Variants in TMT1A observed in about 807,000 individuals in gnomAD.
TMT1A encodes thiol S-methyltransferase TMT1A.
the TMT1A span, chr12:50,929,872 G>T: frequency 6.5e-7 from 1 of 1,538,274 alleles, no homozygotes. Flanking sequence ...AAGCAGAAAT[G>T]AAAAAATCCT....
chr12:50,931,668 G>A, the TMT1A span: 1 of 141,782 alleles, frequency 7.1e-6, no homozygotes, highest in Non-Finnish European at 1.5e-5. Flanking sequence ...CCGAGATCAT[G>A]CCATTGTACT....
At chr12:50,931,648 T>C in the TMT1A span, 1 of 148,310 alleles carries the variant, frequency 6.7e-6, no homozygotes, top group Admixed American at 6.7e-5. Flanking sequence ...AAGGCGAAGG[T>C]TGCAGTGAAC....
the TMT1A span, among the ~76,000 whole-genome samples, chr12:50,926,131 A>G: frequency 6.6e-6 from 1 of 152,018 alleles, no homozygotes; most frequent in African/African-American, 2.4e-5. Flanking sequence ...GCCAGGGATG[A>G]TAGACAAAGG....
At chr12:50,931,125 G>T in the TMT1A span, 1 of 146,308 alleles carries the variant, frequency 6.8e-6, no homozygotes, top group South Asian at 2.1e-4. Flanking sequence ...AAGAGCAGAG[G>T]TTTACTAGGC....
At chr12:50,930,245 T>G in the TMT1A span, 3,263 of 1,036,924 alleles carry the variant, frequency 3.1e-3, 13 homozygotes, top group Non-Finnish European at 3.8e-3. Context: ...ACCTTTTTTT[T>G]GGGGGGCGGT....
At chr12:50,929,889 G>GTTTTTT in the TMT1A span, 3 of 1,240,834 alleles carry the variant, frequency 2.4e-6, no homozygotes, top group Non-Finnish European at 3.3e-6. Flanking sequence ...TCCTTGAAAT[G>GTTTTTT]TTTTTTTTTT....
At chr12:50,926,226 A>G in the TMT1A span, among the ~76,000 whole-genome samples, 1 of 152,280 alleles carries the variant, frequency 6.6e-6, no homozygotes, top group Non-Finnish European at 1.5e-5. Flanking sequence ...AAATGGGCAA[A>G]TAACAGGAAC....
the TMT1A span, among the ~76,000 whole-genome samples, chr12:50,926,365 G>A: frequency 6.6e-6 from 1 of 152,106 alleles, no homozygotes; most frequent in African/African-American, 2.4e-5. Flanking sequence ...GTGGGTTTAG[G>A]GGACTGGACA....
chr12:50,930,070 A>C, the TMT1A span: 36 of 1,614,000 alleles, frequency 2.2e-5, no homozygotes, highest in Non-Finnish European at 2.6e-5. Flanking sequence ...CAGCTTCTCT[A>C]AGCTGAAGCT....
the TMT1A span, among the ~76,000 whole-genome samples, chr12:50,927,051 C>T: frequency 6.6e-6 from 1 of 152,034 alleles, no homozygotes; most frequent in East Asian, 1.9e-4. Context: ...ACAGGGTTTC[C>T]CTCTGTCACC....
At chr12:50,930,322 C>T in the TMT1A span, 3 of 568,110 alleles carry the variant, frequency 5.3e-6, no homozygotes, top group Non-Finnish European at 9.1e-6. Context: ...TCTTGTTGCC[C>T]AGGCTGGAGT....
the TMT1A span, chr12:50,930,977 A>C: frequency 6.6e-6 from 1 of 152,232 alleles, no homozygotes; most frequent in South Asian, 2.1e-4. Flanking sequence ...AATTCACATC[A>C]AAAAAACAGC....
the TMT1A span, among the ~76,000 whole-genome samples, chr12:50,926,999 A>G: frequency 2.6e-5 from 4 of 152,200 alleles, no homozygotes; most frequent in East Asian, 7.7e-4. Context: ...CTTCTGGGGG[A>G]AAGGCATGTT....
the TMT1A span, among the ~76,000 whole-genome samples, chr12:50,928,457 G>C: frequency 1.3e-5 from 2 of 152,192 alleles, no homozygotes; most frequent in Non-Finnish European, 2.9e-5. Context: ...AGCTGATGGA[G>C]CTGGATTCCC....
the TMT1A span, among the ~76,000 whole-genome samples, chr12:50,926,063 G>GA: frequency 0.078 from 7,172 of 91,798 alleles, 488 homozygotes; most frequent in African/African-American, 0.22. Context: ...AAAAGAATAA[G>GA]AAAAAAAAAC....
chr12:50,927,491 G>A, the TMT1A span, among the ~76,000 whole-genome samples: 2 of 152,176 alleles, frequency 1.3e-5, no homozygotes, highest in African/African-American at 4.8e-5. Context: ...CTAAGACTGG[G>A]CACCAACTGG....
At chr12:50,931,495 G>A in the TMT1A span, 1 of 150,328 alleles carries the variant, frequency 6.7e-6, no homozygotes, top group Non-Finnish European at 1.5e-5. Context: ...GGATCACGAG[G>A]TAGGAGTTAA....
chr12:50,928,762 T>G, the TMT1A span, among the ~76,000 whole-genome samples: 1 of 152,122 alleles, frequency 6.6e-6, no homozygotes, highest in Non-Finnish European at 1.5e-5. Context: ...TACAGATGTT[T>G]CCAAATCTAA....
At chr12:50,927,924 A>G in the TMT1A span, among the ~76,000 whole-genome samples, 1 of 34,708 alleles carries the variant, frequency 2.9e-5, no homozygotes, top group African/African-American at 2.5e-4. Flanking sequence ...TCCCAGGTTC[A>G]GTGACTCTCC....
Sources: gnomAD v4.1 joint callset for allele counts (sites outside exome capture counted in the v4.1 genomes callset) on GRCh38, gnomAD v4.1.1 for gene constraint, MANE v1.5 for transcripts, NCBI Gene and HGNC (gene_info 2026-07-23, HGNC 2026-07-21) for gene names.